TTLL5: variants seen among roughly 807,000 people sequenced by gnomAD.
The protein encoded by TTLL5 is tubulin tyrosine ligase like 5, also known as tubulin polyglutamylase TTLL5.
In TTLL5, 132 loss-of-function variants were observed where a neutral mutation model predicts 168.4. That is an observed-to-expected ratio of 0.78 (90% confidence interval 0.68 to 0.91). The LOEUF is 0.91. Among genes scored for constraint, TTLL5 ranks in the 40% least tolerant of loss-of-function variants. TTLL5 has a pLI of 0.00. For synonymous variants in TTLL5, 546 were observed against 558.6 expected (o/e 0.98, Z 0.32); for missense variants, 1,545 against 1,581.5 (o/e 0.98, Z 0.39).
Position 75,900,733 on chromosome 14 carries a change from T to C in TTLL5, c.3741-1409T>C, listed in dbSNP as rs180940552. Among the ~76,000 whole-genome samples the C allele has an allele frequency of 2.0e-5, 3 of 152,308 alleles. No homozygotes were observed. The East Asian group carries it at 5.8e-4, about 29-fold the overall frequency. On this transcript the variant is annotated intron_variant, in intron 30 of 31. Coordinates refer to ENST00000298832, the MANE Select transcript of TTLL5 (RefSeq NM_015072.5). ...GTGAAACGCTCTTTCCTCTCCCTCC[T>C]CCTGGCTAATGCCTACCTCTCCTAA... is the stretch of plus-strand genomic sequence containing the variant.
intron 26 of TTLL5, among the ~76,000 whole-genome samples, chr14:75,784,626 A>G (rs897631390): frequency 6.6e-6 from 1 of 152,220 alleles, no homozygotes; most frequent in Non-Finnish European, 1.5e-5. Flanking sequence ...GTTGGTTCAT[A>G]TGATAACTTT....
chr14:75,808,361 T>C (rs2140384043), intron 27 of TTLL5, among the ~76,000 whole-genome samples: 1 of 152,324 alleles, frequency 6.6e-6, no homozygotes, highest in South Asian at 2.1e-4. Context: ...CATTTAACCC[T>C]TCTCTCCTGG....
At position 75,775,381 on chromosome 14, in the gene TTLL5, T is replaced by C. The variant is rs1268854981; in HGVS notation, c.2137-103T>C. The C allele has an allele frequency of 4.6e-6, 6 of 1,309,608 alleles. No homozygotes were observed. In the Admixed American group the frequency reaches 8.5e-5, roughly 19 times the overall value. The allele number at this position is 1,309,608 out of a possible 1,614,324, so 81.1% of individuals were successfully genotyped here. On this transcript the variant is annotated intron_variant, in intron 21 of 31. Coordinates refer to ENST00000298832, the MANE Select transcript of TTLL5 (RefSeq NM_015072.5). Reference sequence around the variant, plus strand: ...GTCTTGTTTGTTGAAATGTGTAATATATGTCTTCTTCCATCTCTGTTATAT... The same window carrying C: ...GTCTTGTTTGTTGAAATGTGTAATACATGTCTTCTTCCATCTCTGTTATAT...
chr14:75,827,804 C>CT (rs1434020121), intron 28 of TTLL5, among the ~76,000 whole-genome samples: 1 of 138,278 alleles, frequency 7.2e-6, no homozygotes, highest in African/African-American at 2.7e-5. Flanking sequence ...ACTGCAGCCT[C>CT]TGCCTCCTCA....
intron 31 of TTLL5, among the ~76,000 whole-genome samples, chr14:75,904,879 G>A (rs2033082828): frequency 6.6e-6 from 1 of 152,124 alleles, no homozygotes; most frequent in Non-Finnish European, 1.5e-5. Context: ...TAAGCTTCAG[G>A]CATTTTCTAT....
chr14:75,718,636 T>C (rs1452189722), intron 10 of TTLL5, among the ~76,000 whole-genome samples: 1 of 152,060 alleles, frequency 6.6e-6, no homozygotes, highest in Non-Finnish European at 1.5e-5. Context: ...ATTTTCTAAA[T>C]TTTTCTAAAA....
At chr14:75,683,989 G>T (rs1436030756) in intron 5 of TTLL5, 1 of 243,078 alleles carries the variant, frequency 4.1e-6, no homozygotes, top group Non-Finnish European at 8.2e-6. Context: ...GGCCAGGCTG[G>T]TCTCAAACTC....
intron 7 of TTLL5, among the ~76,000 whole-genome samples, chr14:75,703,648 G>A (rs1038935223): frequency 2.6e-5 from 4 of 152,200 alleles, no homozygotes; most frequent in African/African-American, 9.7e-5. Flanking sequence ...TCTCACACAT[G>A]ATCCATGGGA....
At chr14:75,725,310 T>C (rs1888123970) in intron 12 of TTLL5, among the ~76,000 whole-genome samples, 1 of 152,120 alleles carries the variant, frequency 6.6e-6, no homozygotes, top group Non-Finnish European at 1.5e-5. Flanking sequence ...ATAATGAGAG[T>C]CATCAATCTC....
At position 75,766,171 on chromosome 14, in the gene TTLL5, G is replaced by A; in HGVS notation, c.1818G>A (p.Glu606=). 1 of 1,614,068 alleles carries A rather than the reference G, an allele frequency of 6.2e-7. No individual in the cohort carries two copies. The highest frequency in any genetic ancestry group is 2.2e-5 in the East Asian group (1 of 44,854). ...AAGAACAGGAGGCTTCCCAGGAGGA[G>A]TCTGCAGGATTTCTTAGAGAAAATC... ...EDEEQEASQE[E]SAGFLRENQA... Residue 606 remains glutamate (E), a synonymous_variant, in exon 20 of 32, where the codon GAG becomes GAA. Coordinates refer to ENST00000298832, the MANE Select transcript of TTLL5 (RefSeq NM_015072.5).
chr14:75,856,683 G>A (rs1168351123), intron 28 of TTLL5, among the ~76,000 whole-genome samples: 3 of 139,594 alleles, frequency 2.1e-5, no homozygotes, highest in African/African-American at 8.0e-5. Flanking sequence ...CTGGAGTGCA[G>A]TGGCACGATC....
At chr14:75,925,281 C>T (rs1251959455) in intron 31 of TTLL5, among the ~76,000 whole-genome samples, 6 of 151,674 alleles carry the variant, frequency 4.0e-5, no homozygotes, top group Non-Finnish European at 7.4e-5. Context: ...GGCGGAGGGG[C>T]TCCTCACTTC....
intron 17 of TTLL5, among the ~76,000 whole-genome samples, chr14:75,751,530 G>T (rs1461664043): frequency 6.6e-6 from 1 of 152,228 alleles, no homozygotes; most frequent in Non-Finnish European, 1.5e-5. Context: ...TGGTGGGAAA[G>T]AGCAGAATGC....
chr14:75,871,087 G>A (rs566652610), intron 29 of TTLL5, among the ~76,000 whole-genome samples: 5 of 152,206 alleles, frequency 3.3e-5, no homozygotes, highest in South Asian at 2.1e-4. Context: ...GAGCCACCAC[G>A]CCCGGCCTAT....
intron 27 of TTLL5, among the ~76,000 whole-genome samples, chr14:75,810,269 T>G (rs956325945): frequency 6.6e-6 from 1 of 152,170 alleles, no homozygotes; most frequent in African/African-American, 2.4e-5. Context: ...ATGGCAAGAT[T>G]ATAAACTGCA....
At chr14:75,695,368 G>A (rs1398446967) in intron 6 of TTLL5, among the ~76,000 whole-genome samples, 3 of 152,174 alleles carry the variant, frequency 2.0e-5, no homozygotes, top group Non-Finnish European at 2.9e-5. Flanking sequence ...ATGACAATGC[G>A]TGCCCAGTGG....
intron 29 of TTLL5, among the ~76,000 whole-genome samples, chr14:75,878,458 G>C (rs1595194387): frequency 6.6e-6 from 1 of 152,286 alleles, no homozygotes; most frequent in East Asian, 1.9e-4. Context: ...GAACATGAAA[G>C]GGCATAAGGT....
At chr14:75,941,030 C>CAAGA (rs2140193292) in intron 31 of TTLL5, among the ~76,000 whole-genome samples, 1 of 152,312 alleles carries the variant, frequency 6.6e-6, no homozygotes, top group African/African-American at 2.4e-5. Context: ...GACACTTGAG[C>CAAGA]TCTTGTTGGT....
rs531733750 is a variant in TTLL5, at chr14:75,732,620, AG to A, written c.1124+202del. Among the ~76,000 whole-genome samples, 4 of 152,314 alleles carry A rather than the reference AG, an allele frequency of 2.6e-5. No individual in the cohort carries two copies. In the South Asian group the frequency reaches 8.3e-4, roughly 32 times the overall value. On this transcript the variant is annotated intron_variant, in intron 13 of 31. Coordinates refer to ENST00000298832, the MANE Select transcript of TTLL5 (RefSeq NM_015072.5). Reference sequence around the variant, plus strand: ...GACAACCATGGATCTCTGTCTTCCTAGTCAATTTACAATTATATCATTCCTG... The same window carrying A: ...GACAACCATGGATCTCTGTCTTCCTATCAATTTACAATTATATCATTCCTG...
Sources: gnomAD v4.1 joint callset for allele counts (sites outside exome capture counted in the v4.1 genomes callset) on GRCh38, gnomAD v4.1.1 for gene constraint, MANE v1.5 for transcripts, NCBI Gene and HGNC (gene_info 2026-07-23, HGNC 2026-07-21) for gene names.